Variants in CSMD1 observed in about 807,000 individuals in gnomAD.
The protein encoded by CSMD1 is CUB and Sushi multiple domains 1.
Under a neutral mutation model 417.5 loss-of-function variants are expected in CSMD1, and 213 were observed. The ratio of observed to expected loss-of-function variants is 0.51; its 90% CI spans 0.46 to 0.57. CSMD1 has a LOEUF of 0.57. Ranked by LOEUF, CSMD1 falls within the 20% of genes least tolerant of loss-of-function variation. The pLI is 0.00. For missense variants in CSMD1, 6,923 were observed against 4,529.7 expected (o/e 1.53, Z -15.17); for synonymous variants, 2,862 against 1,736.8 (o/e 1.65, Z -16.11).
intron 5 of CSMD1, among the ~76,000 whole-genome samples, chr8:3,921,817 G>A (rs186670492): frequency 7.9e-5 from 12 of 152,234 alleles, no homozygotes; most frequent in South Asian, 2.1e-4. Context: ...GATCTATCCT[G>A]GAGAGAGTTT....
intron 39 of CSMD1, among the ~76,000 whole-genome samples, chr8:3,157,609 G>A (rs1819612588): frequency 6.6e-6 from 1 of 152,144 alleles, no homozygotes; most frequent in African/African-American, 2.4e-5. Context: ...TTAACAAACT[G>A]GCCTTCTGAC....
intron 3 of CSMD1, among the ~76,000 whole-genome samples, chr8:4,275,371 G>C (rs542485834): frequency 6.6e-6 from 1 of 152,060 alleles, no homozygotes; most frequent in African/African-American, 2.4e-5. Context: ...CAAGATTAAA[G>C]GAATCATCTT....
chr8:4,188,586 T>C (rs1035521142), intron 3 of CSMD1, among the ~76,000 whole-genome samples: 2 of 152,054 alleles, frequency 1.3e-5, no homozygotes, highest in African/African-American at 2.4e-5. Context: ...TGACGCGCCC[T>C]ACAGTTCACT....
chr8:3,915,769 C>G (rs117254055), intron 5 of CSMD1, among the ~76,000 whole-genome samples: 1 of 149,226 alleles, frequency 6.7e-6, no homozygotes, highest in African/African-American at 2.5e-5. Context: ...TCCATTGCAT[C>G]TGTTCCTAAA....
At chr8:4,574,900 A>G (rs1441337685) in intron 2 of CSMD1, among the ~76,000 whole-genome samples, 1 of 152,242 alleles carries the variant, frequency 6.6e-6, no homozygotes, top group East Asian at 1.9e-4. Flanking sequence ...TGAAAGAATA[A>G]CATACACACA....
intron 2 of CSMD1, among the ~76,000 whole-genome samples, chr8:4,636,193 A>C (rs1345585499): frequency 6.6e-6 from 1 of 152,124 alleles, no homozygotes; most frequent in Non-Finnish European, 1.5e-5. Flanking sequence ...AATCTATATA[A>C]GTTAATTTTG....
intron 4 of CSMD1, among the ~76,000 whole-genome samples, chr8:4,028,132 T>C (rs909167764): frequency 2.0e-5 from 3 of 152,024 alleles, no homozygotes; most frequent in Non-Finnish European, 2.9e-5. Context: ...TTCAGGAACA[T>C]GAAGAGAAAA....
intron 1 of CSMD1, among the ~76,000 whole-genome samples, chr8:4,659,313 A>G (rs1453403474): frequency 6.6e-6 from 1 of 152,194 alleles, no homozygotes; most frequent in African/African-American, 2.4e-5. Flanking sequence ...GAATTAGAGA[A>G]AGGAGATACA....
chr8:3,273,616 T>A (rs1471472705), intron 26 of CSMD1, among the ~76,000 whole-genome samples: 1 of 152,214 alleles, frequency 6.6e-6, no homozygotes, highest in Non-Finnish European at 1.5e-5. Flanking sequence ...CAGCTCCTGT[T>A]TTTGGTCTAT....
intron 1 of CSMD1, among the ~76,000 whole-genome samples, chr8:4,652,704 C>T (rs1017220818): frequency 6.6e-6 from 1 of 152,074 alleles, no homozygotes; most frequent in Admixed American, 6.6e-5. Context: ...AGGGCAATCC[C>T]AAGCGCAGTG....
intron 3 of CSMD1, among the ~76,000 whole-genome samples, chr8:4,300,334 T>A (rs1325213299): frequency 6.6e-6 from 1 of 152,132 alleles, no homozygotes; most frequent in Non-Finnish European, 1.5e-5. Flanking sequence ...TGTGGAAAAA[T>A]AATATTAAAA....
rs867760046 is a variant in CSMD1 at position 4,928,668 on chromosome 8, T to G, written c.85+65664A>C. On this transcript the variant is annotated intron_variant, in intron 1 of 69. Coordinates refer to ENST00000635120, the MANE Select transcript of CSMD1 (RefSeq NM_033225.6). ...CAGGAATTCATTGTTACTCAGGGTT[T>G]TAATTCAGCTGAATTGTGCCACCCT... Among the ~76,000 whole-genome samples the G allele has an allele frequency of 3.3e-4, 50 of 152,310 alleles. 1 individual carries two copies. Among genetic ancestry groups the G allele is most frequent in the Non-Finnish European group, 2.4e-4 (16 of 68,030 alleles).
chr8:4,874,718 T>C (rs911912813), intron 1 of CSMD1, among the ~76,000 whole-genome samples: 8 of 151,834 alleles, frequency 5.3e-5, no homozygotes, highest in Admixed American at 2.6e-4. Context: ...TTTTGAATTA[T>C]ATCTGAATTC....
intron 46 of CSMD1, among the ~76,000 whole-genome samples, chr8:3,102,865 A>C (rs148628900): frequency 6.6e-6 from 1 of 152,324 alleles, no homozygotes; most frequent in African/African-American, 2.4e-5. Flanking sequence ...GAAGCATGAC[A>C]AGATAACAAA....
intron 3 of CSMD1, among the ~76,000 whole-genome samples, chr8:4,365,237 A>C (rs1453687220): frequency 6.6e-6 from 1 of 152,242 alleles, no homozygotes; most frequent in Non-Finnish European, 1.5e-5. Flanking sequence ...TTAATGCTTA[A>C]GTAGTTTGGA....
intron 57 of CSMD1, among the ~76,000 whole-genome samples, chr8:2,969,240 C>A (rs549582391): frequency 1.3e-4 from 20 of 152,260 alleles, no homozygotes; most frequent in Admixed American, 5.2e-4. Flanking sequence ...GTAGCTTATG[C>A]TATTGTTATT....
chr8:4,391,275 C>G (rs912313974), intron 3 of CSMD1, among the ~76,000 whole-genome samples: 4 of 152,220 alleles, frequency 2.6e-5, no homozygotes, highest in African/African-American at 9.6e-5. Context: ...TTTCACTCAT[C>G]TTTGCCATTA....
chr8:3,455,986 T>TGAGCC (rs879534732), intron 12 of CSMD1, among the ~76,000 whole-genome samples: 131 of 152,296 alleles, frequency 8.6e-4, no homozygotes, highest in Non-Finnish European at 1.6e-3. Flanking sequence ...GCTGCTTTGT[T>TGAGCC]TACCTACTCA....
intron 7 of CSMD1, among the ~76,000 whole-genome samples, chr8:3,640,107 G>A (rs1356329275): frequency 6.6e-6 from 1 of 152,032 alleles, no homozygotes; most frequent in East Asian, 1.9e-4. Context: ...CCCATGTAGA[G>A]GTCCTTTTTT....
Sources: allele counts gnomAD v4.1 joint callset (sites outside exome capture counted in the v4.1 genomes callset), GRCh38; gene constraint gnomAD v4.1.1; transcripts MANE v1.5; gene names NCBI Gene and HGNC (gene_info 2026-07-23, HGNC 2026-07-21).